The following PTPN7 variants were observed in gnomAD, a reference collection of about 807,000 sequenced individuals.
The protein encoded by PTPN7 is protein tyrosine phosphatase non-receptor type 7.
PTPN7 carries 33 observed loss-of-function variants against 50.3 expected under a neutral mutation model. The observed-to-expected ratio is 0.66, with a 90% CI of 0.50 to 0.88. PTPN7 has a LOEUF of 0.88. PTPN7 is among the 40% of genes least tolerant of loss of function. PTPN7 has a pLI of 0.00. For synonymous variants in PTPN7, 185 were observed against 186.6 expected (o/e 0.99, Z 0.07); for missense variants, 412 against 475.4 (o/e 0.87, Z 1.24).
intron 3 of PTPN7, 127 bp downstream of exon 3, chr1:202,157,991 C>T (rs1352661438): frequency 5.3e-6 from 7 of 1,327,158 alleles, no homozygotes; most frequent in South Asian, 2.9e-5. Context: ...CTCCCTCAGC[C>T]CTGAAGTTCT....
In PTPN7 at chr1:202,156,920, CT is replaced by C. The variant is rs145190831; in HGVS notation, c.391+818del. ...TGCCAGTTTGCAGGGTCACCCCCTC[CT>C]AGCACAGTGTCCTCCCTCCCCGCCT... On this transcript the variant is annotated intron_variant, in intron 4 of 9. Transcript: ENST00000691036. 4.0e-4 allele frequency among the ~76,000 whole-genome samples: 61 copies of C among 152,260 alleles called. No individual in the cohort carries two copies. In the East Asian group the frequency reaches 0.011, roughly 28 times the overall value.
In PTPN7 at chr1:202,157,603, TC is replaced by T. The variant is rs1353208224; in HGVS notation, c.391+135del. On this transcript the variant is annotated intron_variant, in intron 4 of 9. Transcript: ENST00000691036. ...TGCTGTTGTGATTCTTGCTCCTTCTTCCCCCTTTCTCTGCTGAGAGAAGATG... is the reference window on the plus strand; with the variant it reads ...TGCTGTTGTGATTCTTGCTCCTTCTTCCCCTTTCTCTGCTGAGAGAAGATG... The T allele has an allele frequency of 2.0e-5, 15 of 737,872 alleles. No individual in the cohort carries two copies. In the East Asian group the frequency reaches 3.9e-4, roughly 19 times the overall value. 45.7% of individuals were successfully genotyped at this position (737,872 alleles called of 1,614,324 possible). A position where few individuals can be genotyped will look rare whatever the true frequency, so the allele number is the denominator to read the frequency against.
intron 2 of PTPN7, 162 bp from the exon 3 acceptor site, chr1:202,158,463 C>A: frequency 1.5e-6 from 1 of 657,264 alleles, no homozygotes; most frequent in Non-Finnish European, 2.5e-6. Context: ...TGGGCTGAAG[C>A]AATCCTCCCA....
At chr1:202,161,271 A>C (rs1328689854), upstream of PTPN7, 7 of 1,145,334 alleles carry the variant, frequency 6.1e-6, no homozygotes, top group Non-Finnish European at 6.6e-6. Flanking sequence ...AGGCCAGCCC[A>C]GCAGGAAGCA....
chr1:202,157,926 A>G lies in PTPN7; in HGVS notation c.307-103T>C, dbSNP rs183873662. 4.7e-4 allele frequency: 634 copies of G among 1,337,994 alleles called. 4 individuals carry two copies. The African/African-American group carries it at 7.7e-3, about 16-fold the overall frequency. 82.9% of individuals were successfully genotyped at this position (1,337,994 alleles called of 1,614,324 possible). A position where few individuals can be genotyped will look rare whatever the true frequency, so the allele number is the denominator to read the frequency against. ...GGACTCTGGCCATTCCTTCTTGACA[A>G]TAGTATGTAGGCCTAGATGGGGTGG... On this transcript the variant is annotated intron_variant, in intron 3 of 9. Transcript: ENST00000691036.
intron 3 of PTPN7, 95 bp from the exon 4 acceptor site, chr1:202,157,918 T>C: frequency 7.1e-7 from 1 of 1,404,590 alleles, no homozygotes. Flanking sequence ...GGCCATTCCT[T>C]CTTGACAATA....
At chr1:202,156,063 C>A (rs1656622324) in intron 4 of PTPN7, among the ~76,000 whole-genome samples, 1 of 152,158 alleles carries the variant, frequency 6.6e-6, no homozygotes, top group African/African-American at 2.4e-5. Context: ...TGTGAGCCAC[C>A]ATGTCTGGCC....
rs1657193334 is a variant in PTPN7 at position 202,160,093 on chromosome 1, T to C, written c.-53+452A>G. ...TCTGTAACCGTCACAGGAAATGGCC[T>C]CACCAAGCCCTTGAACGACAGCGCA... On this transcript the variant is annotated intron_variant, in intron 1 of 9. Transcript: ENST00000691036. The surrounding 1 kb of genome is among the most constrained non-coding windows in gnomAD (Gnocchi z 4.8). 1.6e-6 allele frequency: 1 copy of C among 631,544 alleles called. No individual in the cohort carries two copies. The highest frequency in any genetic ancestry group is 2.0e-6 in the Non-Finnish European group (1 of 502,378). The allele number at this position is 631,544 out of a possible 1,614,324, so 39.1% of individuals were successfully genotyped here.
Position 202,148,503 on chromosome 1 carries a change from C to T in PTPN7, c.*103G>A, listed in dbSNP as rs1263472095. On this transcript the variant is annotated 3_prime_UTR_variant, in exon 10 of 10. Transcript: ENST00000691036. ...ACTAAGGAGGCACTCCTTCCCCACA[C>T]CAACCCAAGGGGTACCCCCAGATCA... 5 of 1,049,058 alleles carry T rather than the reference C, an allele frequency of 4.8e-6. No homozygotes were observed. Among genetic ancestry groups the T allele is most frequent in the Non-Finnish European group, 6.9e-6 (5 of 720,088 alleles). 65.0% of individuals were successfully genotyped at this position (1,049,058 alleles called of 1,614,324 possible).
At chr1:202,153,949 G>C (rs909016805) in intron 6 of PTPN7, 114 bp from the exon 7 acceptor site, 1 of 1,018,028 alleles carries the variant, frequency 9.8e-7, no homozygotes, top group Non-Finnish European at 1.5e-6. Context: ...TGGGAGGTCA[G>C]CAACAGGGAG....
intron 9 of PTPN7, 45 bp from the exon 10 acceptor site, chr1:202,148,744 T>C: frequency 1.9e-6 from 3 of 1,561,050 alleles, no homozygotes; most frequent in Non-Finnish European, 2.6e-6. Context: ...AGGGTCAGGG[T>C]GCTGGCTGAA....
rs2147819571 is a variant in PTPN7 at position 202,147,566 on chromosome 1, C to G, written c.*1040G>C. 1 of 152,272 alleles carries G rather than the reference C, an allele frequency of 6.6e-6. No individual in the cohort carries two copies. The highest frequency in any genetic ancestry group is 1.9e-4 in the East Asian group (1 of 5,170). 9.4% of individuals were successfully genotyped at this position (152,272 alleles called of 1,614,324 possible). ...TGTGGCGTTCAGTCCTGAGGTAGAC[C>G]TGAGGTCCCCTGGAAATTGTGTTGA... On this transcript the variant is annotated 3_prime_UTR_variant, in exon 10 of 10. Transcript: ENST00000691036.
intron 4 of PTPN7, among the ~76,000 whole-genome samples, chr1:202,157,272 G>T (rs111416035): frequency 6.6e-6 from 1 of 152,366 alleles, no homozygotes; most frequent in African/African-American, 2.4e-5. Context: ...CACTTTGGGA[G>T]GCCGAGGTGG....
upstream of PTPN7, chr1:202,161,500 G>A (rs1193707198): frequency 7.8e-7 from 1 of 1,289,800 alleles, no homozygotes; most frequent in African/African-American, 1.5e-5. Flanking sequence ...AGACTCCTCT[G>A]CCCACTGCCC....
At chr1:202,152,068 C>G (rs983087941) in intron 8 of PTPN7, among the ~76,000 whole-genome samples, 9 of 151,864 alleles carry the variant, frequency 5.9e-5, no homozygotes, top group African/African-American at 1.2e-4. Flanking sequence ...TGCTACCACG[C>G]CTGGCTAATT....
intron 3 of PTPN7, 128 bp from the exon 4 acceptor site, chr1:202,157,951 G>T: frequency 8.2e-7 from 1 of 1,224,178 alleles, no homozygotes; most frequent in African/African-American, 1.5e-5. Flanking sequence ...AGATGGGGTG[G>T]GGGCAGAAGG....
chr1:202,155,497 C>T (rs1387954147), intron 5 of PTPN7, 36 bp downstream of exon 5: 1 of 1,515,808 alleles, frequency 6.6e-7, no homozygotes, highest in Non-Finnish European at 9.2e-7. Context: ...GAGAATTCCC[C>T]CATTCCCCGC....
At position 202,159,928 on chromosome 1, in the gene PTPN7, G is replaced by A; in HGVS notation, c.-52-474C>T. Reference sequence around the variant, plus strand: ...GCTGGTTGGGCAGCCAGGCAGGCGGGCTCCTGGACCCCAGCAGGGTCCTCT... The same window carrying A: ...GCTGGTTGGGCAGCCAGGCAGGCGGACTCCTGGACCCCAGCAGGGTCCTCT... On this transcript the variant is annotated intron_variant, in intron 1 of 9. Coordinates refer to ENST00000691036, the MANE Select transcript of PTPN7 (RefSeq NM_002832.4). This position sits in a 1 kb window ranked among gnomAD's most constrained non-coding sequence, Gnocchi z 4.6. 1 of 1,007,858 alleles carries A rather than the reference G, an allele frequency of 9.9e-7. No individual in the cohort carries two copies. Among genetic ancestry groups the A allele is most frequent in the Non-Finnish European group, 1.2e-6 (1 of 844,436 alleles). 62.4% of individuals were successfully genotyped at this position (1,007,858 alleles called of 1,614,324 possible).
upstream of PTPN7, chr1:202,160,628 G>C: frequency 1.3e-6 from 2 of 1,550,548 alleles, no homozygotes; most frequent in Non-Finnish European, 1.7e-6. This position sits in a 1 kb window ranked among gnomAD's most constrained non-coding sequence, Gnocchi z 4.8. Context: ...GAAGGCTCCA[G>C]GAAGCCAGCT....
Sources: allele counts gnomAD v4.1 joint callset (sites outside exome capture counted in the v4.1 genomes callset), GRCh38; gene constraint gnomAD v4.1.1; non-coding constraint Gnocchi (gnomAD v3.1); transcripts MANE v1.5; gene names NCBI Gene and HGNC (gene_info 2026-07-23, HGNC 2026-07-21).